CPNE2: variants seen among roughly 807,000 people sequenced by gnomAD.
The protein encoded by CPNE2 is copine 2.
A neutral mutation model predicts 69.7 loss-of-function variants in CPNE2; 42 were observed. The observed-to-expected ratio is 0.60, with a 90% CI of 0.47 to 0.78. The LOEUF (loss-of-function observed/expected upper bound fraction) is 0.78. CPNE2 is among the 30% of genes least tolerant of loss of function. The pLI, the probability that CPNE2 is intolerant of heterozygous loss-of-function variation, is 0.00. For missense variants in CPNE2, 587 were observed against 732.0 expected (o/e 0.80, Z 2.29); for synonymous variants, 294 against 289.8 (o/e 1.01, Z -0.15).
At chr16:57,114,018 T>C (rs1567667201) in intron 3 of CPNE2, among the ~76,000 whole-genome samples, 1 of 151,992 alleles carries the variant, frequency 6.6e-6, no homozygotes, top group Non-Finnish European at 1.5e-5. Flanking sequence ...TGATGACTGC[T>C]CTGCCCAGCC....
At chr16:57,094,504 C>T (rs1415922927) in intron 1 of CPNE2, among the ~76,000 whole-genome samples, 1 of 152,184 alleles carries the variant, frequency 6.6e-6, no homozygotes, top group African/African-American at 2.4e-5. Context: ...ACAGTAAGTA[C>T]TGGACCCCAT....
At chr16:57,110,564 T>C in intron 1 of CPNE2, 144 bp from the exon 2 acceptor site, 1 of 482,490 alleles carries the variant, frequency 2.1e-6, no homozygotes, top group Non-Finnish European at 3.7e-6. Flanking sequence ...CTTCAAACCT[T>C]TGCCTATGTT....
chr16:57,134,964 G>A, intron 13 of CPNE2, 138 bp downstream of exon 13: 1 of 953,076 alleles, frequency 1.0e-6, no homozygotes, highest in Non-Finnish European at 1.6e-6. Context: ...GAGTGACAGA[G>A]GGGGAAGAGC....
chr16:57,110,879 C>T lies in CPNE2; in HGVS notation c.137C>T (p.Pro46Leu). Residue 46 changes from proline (P) to leucine (L), a missense_variant, in exon 2 of 16, where the codon CCC becomes CTC. Pro to Leu is a moderately conservative substitution (Grantham distance 98). Coordinates refer to ENST00000290776, the MANE Select transcript of CPNE2 (RefSeq NM_152727.6). ...CGGGATGTTACCTCCAAGTCCGACC[C>T]CTTCTGTGTCCTCTTTACAGAGAAC... ...LDRDVTSKSD[P>L]FCVLFTENNG... is the part of the protein sequence containing the mutation. 1 of 1,613,702 alleles carries T rather than the reference C, an allele frequency of 6.2e-7. No individual in the cohort carries two copies. Among genetic ancestry groups the T allele is most frequent in the Non-Finnish European group, 8.5e-7 (1 of 1,179,756 alleles).
chr16:57,120,659 C>T (rs1469111473), intron 7 of CPNE2, among the ~76,000 whole-genome samples: 2 of 151,992 alleles, frequency 1.3e-5, no homozygotes, highest in African/African-American at 4.8e-5. Flanking sequence ...CTCAGTTTAC[C>T]CATCAGTGGG....
chr16:57,105,844 TC>T (rs1245912708), intron 1 of CPNE2, among the ~76,000 whole-genome samples: 1 of 152,086 alleles, frequency 6.6e-6, no homozygotes, highest in Admixed American at 6.5e-5. Flanking sequence ...AGGCCCTGGC[TC>T]CCCATCCCAT....
intron 4 of CPNE2, 125 bp from the exon 5 acceptor site, chr16:57,117,371 C>A: frequency 1.1e-6 from 1 of 869,906 alleles, no homozygotes; most frequent in Non-Finnish European, 1.8e-6. Flanking sequence ...TGTCCAAGGT[C>A]ACCTGGAACT....
chr16:57,128,748 C>T (rs1289744933), intron 12 of CPNE2, among the ~76,000 whole-genome samples: 1 of 152,198 alleles, frequency 6.6e-6, no homozygotes, highest in Non-Finnish European at 1.5e-5. Flanking sequence ...TCATCCGTCA[C>T]CCCTCCATCC....
intron 1 of CPNE2, among the ~76,000 whole-genome samples, chr16:57,098,012 T>G (rs2145231348): frequency 6.8e-6 from 1 of 147,506 alleles, no homozygotes; most frequent in East Asian, 2.1e-4. Context: ...AGGCTGCCTC[T>G]CAGCCTGCTA....
Position 57,146,778 on chromosome 16 carries a change from A to C in CPNE2, c.1539+457A>C, listed in dbSNP as rs2069961616. 5.9e-6 allele frequency: 1 copy of C among 169,470 alleles called. No homozygotes were observed. The highest frequency in any genetic ancestry group is 1.3e-5 in the Non-Finnish European group (1 of 77,906). 10.5% of individuals were successfully genotyped at this position (169,470 alleles called of 1,614,324 possible). On this transcript the variant is annotated intron_variant, in intron 15 of 15. Transcript: ENST00000290776. The surrounding 1 kb of genome is among the most constrained non-coding windows in gnomAD (Gnocchi z 4.4). ...CTCTCCCTAAAGCCCTCTGCCTGGG[A>C]GAATGGTGTCCCCAGCCTTGTTCCT...
chr16:57,113,786 G>A (rs1174268801), intron 3 of CPNE2, among the ~76,000 whole-genome samples: 1 of 152,244 alleles, frequency 6.6e-6, no homozygotes, highest in South Asian at 2.1e-4. Flanking sequence ...CAGTAGTCCC[G>A]CTTTGTGGCA....
At chr16:57,142,304 C>T (rs2069927974) in intron 14 of CPNE2, 1 of 152,344 alleles carries the variant, frequency 6.6e-6, no homozygotes, top group Admixed American at 6.5e-5. Context: ...GGGAAAGTGA[C>T]ATGTGAGCTG....
At chr16:57,142,723 A>G (rs1342691193) in intron 14 of CPNE2, 1 of 152,184 alleles carries the variant, frequency 6.6e-6, no homozygotes, top group Admixed American at 6.5e-5. Flanking sequence ...GGAAGCACCC[A>G]GCCAGCTCCC....
chr16:57,123,674 A>G (rs142359304), intron 10 of CPNE2: 2 of 608,318 alleles, frequency 3.3e-6, no homozygotes, highest in East Asian at 5.5e-5. Context: ...TTGGGGCTTA[A>G]CTACAGGTCA....
rs1353182044 is a variant in CPNE2 at position 57,137,268 on chromosome 16, C to G, written c.1288C>G (p.Gln430Glu). 25 of 1,614,072 alleles carry G rather than the reference C, an allele frequency of 1.5e-5. No homozygotes were observed. The highest frequency in any genetic ancestry group is 1.9e-5 in the Non-Finnish European group (23 of 1,180,036). Residue 430 changes from glutamine (Q) to glutamate (E), a missense_variant, in exon 14 of 16, where the codon CAG (glutamine) becomes GAG (glutamate). Around this residue, in one of 5 missense-constraint regions of CPNE2, gnomAD observed 185 missense variants for 252.3 expected, o/e 0.73. Coordinates refer to ENST00000290776, the MANE Select transcript of CPNE2 (RefSeq NM_152727.6). ...CCGGTTTGCGGCCCAGGCCACACAA[C>G]AGCGGACGGCCACGGTGAGTAGGCA... is the stretch of plus-strand genomic sequence containing the variant. ...VARFAAQATQ[Q>E]RTATQYFILL...
At chr16:57,109,598 C>A (rs1001454128) in intron 1 of CPNE2, among the ~76,000 whole-genome samples, 2 of 152,186 alleles carry the variant, frequency 1.3e-5, no homozygotes, top group African/African-American at 4.8e-5. Flanking sequence ...AAACAAGTGG[C>A]AGATTATTCA....
intron 1 of CPNE2, among the ~76,000 whole-genome samples, chr16:57,105,380 C>T (rs1290348983): frequency 1.3e-5 from 2 of 152,110 alleles, no homozygotes; most frequent in South Asian, 2.1e-4. Context: ...GGCAAGATGC[C>T]TCCTCGCTGG....
At chr16:57,139,387 A>G (rs1206068154) in intron 14 of CPNE2, among the ~76,000 whole-genome samples, 3 of 152,196 alleles carry the variant, frequency 2.0e-5, no homozygotes, top group African/African-American at 7.2e-5. Context: ...CACAGTAGTG[A>G]CATCCCCAAT....
chr16:57,111,265 C>T (rs1436012424), intron 2 of CPNE2, among the ~76,000 whole-genome samples: 2 of 151,396 alleles, frequency 1.3e-5, no homozygotes, highest in African/African-American at 4.9e-5. Context: ...CAACCTCTGC[C>T]TCCCAGGCTC....
Sources: gnomAD v4.1 joint callset for allele counts (sites outside exome capture counted in the v4.1 genomes callset) on GRCh38, gnomAD v4.1.1 for gene constraint, gnomAD v4.1.1 regional missense constraint, Gnocchi (gnomAD v3.1) non-coding constraint, MANE v1.5 for transcripts, NCBI Gene and HGNC (gene_info 2026-07-23, HGNC 2026-07-21) for gene names.